Variants in PHF12 observed in about 807,000 individuals in gnomAD.
The protein encoded by PHF12 is PHD finger protein 12.
In PHF12, 6 loss-of-function variants were observed where a neutral mutation model predicts 99.8. The ratio of observed to expected loss-of-function variants is 0.06; its 90% CI spans 0.03 to 0.12. The LOEUF (loss-of-function observed/expected upper bound fraction) is 0.12, where lower values mean the gene tolerates loss of function less well. PHF12 is among the 10% of genes least tolerant of loss of function. The pLI, the probability that PHF12 is intolerant of heterozygous loss-of-function variation, is 1.00. For synonymous variants in PHF12, 480 were observed against 514.9 expected (o/e 0.93, Z 0.92); for missense variants, 954 against 1,300.1 (o/e 0.73, Z 4.09).
At chr17:28,928,972 T>C (rs1376734474) in intron 2 of PHF12, among the ~76,000 whole-genome samples, 1 of 151,758 alleles carries the variant, frequency 6.6e-6, no homozygotes, top group African/African-American at 2.4e-5. Flanking sequence ...GGCACGCGCC[T>C]GTAGTCCCAG....
At chr17:28,909,082 A>G in intron 11 of PHF12, 1 of 580,332 alleles carries the variant, frequency 1.7e-6, no homozygotes, top group East Asian at 2.9e-5. Context: ...AACACAGGGT[A>G]CAGAGGACCA....
intron 2 of PHF12, chr17:28,944,578 C>T: frequency 1.2e-5 from 11 of 924,338 alleles, no homozygotes; most frequent in Non-Finnish European, 1.4e-5. Flanking sequence ...ACCTGGAAGG[C>T]GGAGATTGCA....
intron 9 of PHF12, 155 bp from the exon 10 acceptor site, chr17:28,911,392 C>T (rs1462331238): frequency 8.4e-6 from 9 of 1,074,196 alleles, no homozygotes; most frequent in East Asian, 2.7e-5. Context: ...GAGCTAAAAA[C>T]GTGTGGTGAG....
intron 2 of PHF12, among the ~76,000 whole-genome samples, chr17:28,942,127 T>G (rs899130948): frequency 2.6e-5 from 4 of 152,174 alleles, no homozygotes; most frequent in African/African-American, 9.7e-5. Context: ...CATCGTAAGG[T>G]TCTCTTCACT....
Position 28,917,335 on chromosome 17 carries a change from G to A in PHF12, c.1084C>T (p.His362Tyr). Residue 362 changes from histidine (H) to tyrosine (Y), a missense_variant, in exon 7 of 15, where the codon CAC (histidine) becomes TAC (tyrosine). Coordinates refer to ENST00000332830, the MANE Select transcript of PHF12 (RefSeq NM_001033561.2). ...VDFLNRIHKK[H>Y]PPNRRVLQSV... ...TGGAGCACACGCCGGTTAGGGGGGT[G>A]CTTCTTGTGGATTCGGTTCAGGAAG... 1 of 1,614,116 alleles carries A rather than the reference G, an allele frequency of 6.2e-7. No individual in the cohort carries two copies. The highest frequency in any genetic ancestry group is 8.5e-7 in the Non-Finnish European group (1 of 1,180,022).
At position 28,913,148 on chromosome 17, in the gene PHF12, A is replaced by G; in HGVS notation, c.1423T>C (p.Ser475Pro). The G allele has an allele frequency of 1.2e-6, 2 of 1,614,136 alleles. No homozygotes were observed. The highest frequency in any genetic ancestry group is 1.7e-6 in the Non-Finnish European group (2 of 1,180,008). Residue 475 changes from serine (S) to proline (P), a missense_variant, in exon 9 of 15, where the codon TCA (serine) becomes CCA (proline). Ser to Pro is a moderately conservative substitution (Grantham distance 74, BLOSUM62 -1). Coordinates refer to ENST00000332830, the MANE Select transcript of PHF12 (RefSeq NM_001033561.2). Reference protein sequence around the residue: ...DIKPVIVTDSSVTTSLQTADK... With the variant: ...DIKPVIVTDSPVTTSLQTADK... ...GCTGTTTGCAGGGAGGTGGTGACTG[A>G]GCTGTCAGTCACAATAACAGGCTTA...
At chr17:28,908,610 G>A (rs1420097445) in intron 12 of PHF12, 173 bp downstream of exon 12, 12 of 648,976 alleles carry the variant, frequency 1.8e-5, no homozygotes, top group Non-Finnish European at 2.7e-5. Context: ...GTGAGCCACC[G>A]TGACTGGCTG....
chr17:28,913,040 G>T lies in PHF12; in HGVS notation c.1531C>A (p.Pro511Thr), dbSNP rs770771348. 2 of 1,614,074 alleles carry T rather than the reference G, an allele frequency of 1.2e-6. No homozygotes were observed. The highest frequency in any genetic ancestry group is 1.7e-6 in the Non-Finnish European group (2 of 1,180,034). The change falls in exon 9 of 15, where the codon CCC (proline) becomes ACC (threonine). Residue 511 changes from proline (P) to threonine (T), a missense_variant. Pro to Thr is a conservative substitution (Grantham distance 38, BLOSUM62 -1). Coordinates refer to ENST00000332830, the MANE Select transcript of PHF12 (RefSeq NM_001033561.2). ...STQNSLSCSPPHQSPALEDIG... is the reference protein window; with the variant it reads ...STQNSLSCSPTHQSPALEDIG... ...TCCTCTAGGGCTGGGGACTGGTGGG[G>T]TGGAGAGCAGCTCAGGGAATTCTGG...
At chr17:28,915,490 A>G (rs1449689651) in intron 7 of PHF12, among the ~76,000 whole-genome samples, 1 of 152,074 alleles carries the variant, frequency 6.6e-6, no homozygotes, top group Non-Finnish European at 1.5e-5. Flanking sequence ...ATATAAGGAG[A>G]AAGGCATGGA....
intron 2 of PHF12, among the ~76,000 whole-genome samples, chr17:28,930,468 CT>C (rs2040376704): frequency 6.6e-6 from 1 of 152,242 alleles, no homozygotes; most frequent in South Asian, 2.1e-4. Context: ...GAGTGTAATC[CT>C]TCAAAGCTAT....
At chr17:28,936,014 T>C (rs2040502382) in intron 2 of PHF12, among the ~76,000 whole-genome samples, 1 of 152,166 alleles carries the variant, frequency 6.6e-6, no homozygotes, top group South Asian at 2.1e-4. Flanking sequence ...TAAAGTTCAG[T>C]TTTAATTTAG....
chr17:28,917,393 C>T lies in PHF12; in HGVS notation c.1026G>A (p.Gln342=), dbSNP rs1390033718. 1 of 1,613,858 alleles carries T rather than the reference C, an allele frequency of 6.2e-7. No individual in the cohort carries two copies. Among genetic ancestry groups the T allele is most frequent in the African/African-American group, 1.3e-5 (1 of 74,892 alleles). The change falls in exon 7 of 15, where the codon CAG becomes CAA. Residue 342 remains glutamine, a synonymous_variant. Coordinates refer to ENST00000332830, the MANE Select transcript of PHF12 (RefSeq NM_001033561.2). ...TGACGACATGCTGCGAAACGGTGTCCTGGAAACGATCAAACACCTGGCACC... is the reference window on the plus strand; with the variant it reads ...TGACGACATGCTGCGAAACGGTGTCTTGGAAACGATCAAACACCTGGCACC... ...SNRCQVFDRF[Q]DTVSQHVVKV...
rs776544473 is a variant in PHF12, at chr17:28,917,349, C to A, written c.1070G>T (p.Arg357Leu). ...GTTAGGGGGGTGCTTCTTGTGGATT[C>A]GGTTCAGGAAGTCCACTTTGACGAC... Reference protein sequence around the residue: ...QHVVKVDFLNRIHKKHPPNRR... With the variant: ...QHVVKVDFLNLIHKKHPPNRR... Residue 357 changes from arginine to leucine, a missense_variant, in exon 7 of 15, where the codon CGA (arginine) becomes CTA (leucine). This residue lies in a region of PHF12 where 85 missense variants were observed against 196.6 expected (regional missense o/e 0.43). Transcript: ENST00000332830. 1.9e-6 allele frequency: 3 copies of A among 1,613,958 alleles called. No individual in the cohort carries two copies. Among genetic ancestry groups the A allele is most frequent in the Admixed American group, 1.7e-5 (1 of 59,986 alleles).
intron 9 of PHF12, 66 bp from the exon 10 acceptor site, chr17:28,911,303 C>T: frequency 6.3e-7 from 1 of 1,598,626 alleles, no homozygotes; most frequent in Non-Finnish European, 8.5e-7. Flanking sequence ...CAATCCCCCA[C>T]TGCTGAGACA....
At chr17:28,912,089 C>T (rs937739523) in intron 9 of PHF12, 38 of 1,030,832 alleles carry the variant, frequency 3.7e-5, no homozygotes, top group Non-Finnish European at 4.2e-5. Flanking sequence ...TCTGACAATA[C>T]TGAGGCCATC....
In PHF12 at chr17:28,910,230, T is replaced by C. The variant is rs1257404146; in HGVS notation, c.2355A>G (p.Ile785Met). 1 of 1,614,100 alleles carries C rather than the reference T, an allele frequency of 6.2e-7. No homozygotes were observed. The highest frequency in any genetic ancestry group is 8.5e-7 in the Non-Finnish European group (1 of 1,180,040). The change falls in exon 11 of 15, where the codon ATA becomes ATG. Residue 785 changes from isoleucine to methionine, a missense_variant. Physicochemically the swap from Ile to Met is conservative, Grantham distance 10 (BLOSUM62 1). This residue lies in a region of PHF12 where 143 missense variants were observed against 191.8 expected (regional missense o/e 0.75). Coordinates refer to ENST00000332830, the MANE Select transcript of PHF12 (RefSeq NM_001033561.2). ...THQLASGGHH[I>M]EVQRKEVQAR... ...GACAGGTGTGTACATGCGCACCTTC[T>C]ATGTGGTGCCCTCCAGAAGCCAGCT...
At chr17:28,914,671 C>CAA (rs61203588) in intron 7 of PHF12, among the ~76,000 whole-genome samples, 1,508 of 30,236 alleles carry the variant, frequency 0.05, 308 homozygotes, top group African/African-American at 0.059. Context: ...GACTCCGTCT[C>CAA]AAAAAAAAAA....
At chr17:28,923,650 T>TAAAAAAAAAAAAAAAAAAAAA (rs2040206858) in intron 4 of PHF12, among the ~76,000 whole-genome samples, 1 of 18,664 alleles carries the variant, frequency 5.4e-5, no homozygotes, top group Non-Finnish European at 8.2e-5. Context: ...AAAGTGAGAC[T>TAAAAAAAAAAAAAAAAAAAAA]CACAAAAAAA....
rs2040204003 is a variant in PHF12, at chr17:28,923,544, G to GC, written c.715+364dup. ...ATGGTAGCATGCGCCTGTAGTCCCAGCTACTTGGAAGGCTGAAGCACGAGA... is the reference window on the plus strand; with the variant it reads ...ATGGTAGCATGCGCCTGTAGTCCCAGCCTACTTGGAAGGCTGAAGCACGAGA... On this transcript the variant is annotated intron_variant, in intron 4 of 14. Coordinates refer to ENST00000332830, the MANE Select transcript of PHF12 (RefSeq NM_001033561.2). 2.0e-5 allele frequency among the ~76,000 whole-genome samples: 3 copies of GC among 148,278 alleles called. No individual in the cohort carries two copies. The South Asian group carries it at 6.4e-4, about 32-fold the overall frequency.
Sources: allele counts gnomAD v4.1 joint callset (sites outside exome capture counted in the v4.1 genomes callset), GRCh38; gene constraint gnomAD v4.1.1; regional missense constraint gnomAD v4.1.1; transcripts MANE v1.5; gene names NCBI Gene and HGNC (gene_info 2026-07-23, HGNC 2026-07-21).